Variants in FRAS1 observed in about 807,000 individuals in gnomAD.
FRAS1 encodes the protein Fraser extracellular matrix complex subunit 1.
A neutral mutation model predicts 435.2 loss-of-function variants in FRAS1; 290 were observed. The ratio of observed to expected loss-of-function variants is 0.67; its 90% confidence interval spans 0.61 to 0.73. FRAS1 has a LOEUF of 0.73. Ranked by LOEUF, FRAS1 falls within the 30% of genes least tolerant of loss-of-function variation. FRAS1 has a pLI of 0.00. For synonymous variants in FRAS1, 1,800 were observed against 1,851.0 expected (o/e 0.97, Z 0.71); for missense variants, 4,860 against 5,001.5 (o/e 0.97, Z 0.85).
At chr4:78,441,087 CT>C in intron 40 of FRAS1, 74 bp from the exon 41 acceptor site, 1 of 1,512,184 alleles carries the variant, frequency 6.6e-7, no homozygotes, top group East Asian at 2.3e-5. Flanking sequence ...CCAGGCAGCA[CT>C]TTGCAATCCA....
At chr4:78,505,291 A>G (rs1170116879) in intron 61 of FRAS1, among the ~76,000 whole-genome samples, 1 of 152,202 alleles carries the variant, frequency 6.6e-6, no homozygotes, top group Non-Finnish European at 1.5e-5. Context: ...AGGTTGGGGA[A>G]GTTCTCCTGG....
intron 6 of FRAS1, among the ~76,000 whole-genome samples, chr4:78,258,012 A>G (rs1051593541): frequency 6.6e-6 from 1 of 152,136 alleles, no homozygotes; most frequent in African/African-American, 2.4e-5. Context: ...AATTAATCCG[A>G]GTAGTTTGAA....
At chr4:78,262,990 A>C (rs1726185519) in intron 6 of FRAS1, among the ~76,000 whole-genome samples, 1 of 152,210 alleles carries the variant, frequency 6.6e-6, no homozygotes, top group Non-Finnish European at 1.5e-5. Context: ...TGTTCCAGTA[A>C]AGCTTTATTT....
At chr4:78,509,164 AG>A (rs34380083) in intron 63 of FRAS1, among the ~76,000 whole-genome samples, 158 bp downstream of exon 63, 49,428 of 152,128 alleles carry the variant, frequency 0.32, 8,688 homozygotes, top group South Asian at 0.52. Context: ...ACATAAGAAA[AG>A]GTTATATGCT....
chr4:78,372,804 G>T lies in FRAS1; in HGVS notation c.2956G>T (p.Ala986Ser). ...CMDGYVLQDG[A>S]CVEQCLSSFY... ...GGATGGCTATGTTCTCCAGGATGGG[G>T]CCTGCGTGGAGCAGTGCTTGTCATC... The change falls in exon 24 of 74, where the codon GCC becomes TCC. Residue 986 changes from alanine (A) to serine (S), a missense_variant. Coordinates refer to ENST00000512123, the MANE Select transcript of FRAS1 (RefSeq NM_025074.7). The T allele has an allele frequency of 1.9e-6, 3 of 1,613,102 alleles. No individual in the cohort carries two copies. Among genetic ancestry groups the T allele is most frequent in the Non-Finnish European group, 2.5e-6 (3 of 1,179,704 alleles).
chr4:78,237,507 C>G lies in FRAS1; in HGVS notation c.109-3C>G. On this transcript the variant is annotated splice_region_variant and splice_polypyrimidine_tract_variant and intron_variant, in intron 2 of 73. Coordinates refer to ENST00000512123, the MANE Select transcript of FRAS1 (RefSeq NM_025074.7). ...TTAAATCAGAGCTTATGCCTCTTTACAGGATGCCACAATTTGGAAGCCCGA... is the reference window on the plus strand; with the variant it reads ...TTAAATCAGAGCTTATGCCTCTTTAGAGGATGCCACAATTTGGAAGCCCGA... The G allele has an allele frequency of 6.2e-7, 1 of 1,610,680 alleles. No individual in the cohort carries two copies. Among genetic ancestry groups the G allele is most frequent in the Non-Finnish European group, 8.5e-7 (1 of 1,177,136 alleles).
intron 2 of FRAS1, among the ~76,000 whole-genome samples, chr4:78,118,620 G>C (rs535530431): frequency 8.5e-5 from 13 of 152,302 alleles, no homozygotes; most frequent in Non-Finnish European, 1.8e-4. Context: ...CTCAGATCCA[G>C]GCCCAGGATA....
rs748263373 is a variant in FRAS1 at position 78,541,345 on chromosome 4, G to A, written c.*221G>A. The A allele has an allele frequency of 1.6e-4, 60 of 376,552 alleles. 1 individual carries two copies. The highest frequency in any genetic ancestry group is 1.0e-3 in the South Asian group (8 of 7,720). The allele number at this position is 376,552 out of a possible 1,614,324, so 23.3% of individuals were successfully genotyped here. ...GTTATTTCCGTAGATCCCTTTAATAGTGTCAACAACTGTACACAGCTCCTT... is the reference window on the plus strand; with the variant it reads ...GTTATTTCCGTAGATCCCTTTAATAATGTCAACAACTGTACACAGCTCCTT... On this transcript the variant is annotated 3_prime_UTR_variant, in exon 74 of 74. Coordinates refer to ENST00000512123, the MANE Select transcript of FRAS1 (RefSeq NM_025074.7).
intron 59 of FRAS1, among the ~76,000 whole-genome samples, chr4:78,489,427 G>A (rs772833378): frequency 2.0e-4 from 31 of 152,126 alleles, no homozygotes; most frequent in African/African-American, 7.5e-4. Flanking sequence ...TGGAATAGTG[G>A]ATCATCATAA....
intron 20 of FRAS1, among the ~76,000 whole-genome samples, chr4:78,340,734 G>A (rs1009945440): frequency 7.2e-5 from 11 of 152,150 alleles, no homozygotes; most frequent in Admixed American, 1.3e-4. Context: ...CAAGGTGCCC[G>A]CAGGCTTGGC....
chr4:78,155,834 A>G (rs1198275192), intron 2 of FRAS1, among the ~76,000 whole-genome samples: 1 of 152,088 alleles, frequency 6.6e-6, no homozygotes, highest in Admixed American at 6.6e-5. Flanking sequence ...GGTGAAATCC[A>G]TGGACTCGTA....
intron 35 of FRAS1, 37 bp from the exon 36 acceptor site, chr4:78,429,058 G>A (rs1313340891): frequency 3.2e-6 from 5 of 1,544,864 alleles, no homozygotes; most frequent in Non-Finnish European, 4.4e-6. Context: ...GTGTGTGTGT[G>A]TGTGTCTCTG....
chr4:78,483,798 A>ATATATATATATATAT (rs1491045148), intron 58 of FRAS1, among the ~76,000 whole-genome samples: 108 of 71,484 alleles, frequency 1.5e-3, no homozygotes, highest in Middle Eastern at 0.026. Context: ...ATATATATAT[A>ATATATATATATATAT]AAATTATGTA....
At chr4:78,240,071 T>A (rs1199925286) in intron 3 of FRAS1, among the ~76,000 whole-genome samples, 1 of 152,112 alleles carries the variant, frequency 6.6e-6, no homozygotes. Context: ...TTTTACTGAC[T>A]GAATGAATGA....
In FRAS1 at chr4:78,541,005, C is replaced by T. The variant is rs759074187; in HGVS notation, c.11920C>T (p.Arg3974Trp). 54 of 1,565,436 alleles carry T rather than the reference C, an allele frequency of 3.4e-5. No homozygotes were observed. Among genetic ancestry groups the T allele is most frequent in the Non-Finnish European group, 4.4e-5 (51 of 1,151,854 alleles). The change falls in exon 74 of 74, where the codon CGG becomes TGG. Residue 3974 changes from arginine to tryptophan, a missense_variant. Transcript: ENST00000512123. ...CGTGAATAGACACTACTGCACTGTG[C>T]GGAACGTCAACATCCTGAGTGAGCC... The part of the protein sequence containing the change: ...KNVNRHYCTV[R>W]NVNILSEPEA...
intron 52 of FRAS1, among the ~76,000 whole-genome samples, chr4:78,472,735 T>C (rs1719746232): frequency 1.3e-5 from 2 of 152,220 alleles, no homozygotes; most frequent in South Asian, 4.1e-4. Flanking sequence ...AGACTTTAAG[T>C]CTTCAGCCTA....
chr4:78,137,126 T>G (rs1406240447), intron 2 of FRAS1, among the ~76,000 whole-genome samples: 2 of 152,336 alleles, frequency 1.3e-5, no homozygotes, highest in East Asian at 3.9e-4. Flanking sequence ...GTGTGTTTTT[T>G]ACTGAACCTA....
intron 55 of FRAS1, among the ~76,000 whole-genome samples, chr4:78,479,104 A>G (rs1370587280): frequency 1.3e-5 from 2 of 152,248 alleles, no homozygotes; most frequent in Non-Finnish European, 2.9e-5. Flanking sequence ...ATGGTGGGCA[A>G]TGAGTCTTGC....
At chr4:78,131,218 A>G (rs1214305928) in intron 2 of FRAS1, among the ~76,000 whole-genome samples, 1 of 152,148 alleles carries the variant, frequency 6.6e-6, no homozygotes, top group African/African-American at 2.4e-5. Flanking sequence ...ATATGCACAT[A>G]TATGTATATT....
Sources: gnomAD v4.1 joint callset for allele counts (sites outside exome capture counted in the v4.1 genomes callset) on GRCh38, gnomAD v4.1.1 for gene constraint, MANE v1.5 for transcripts, NCBI Gene and HGNC (gene_info 2026-07-23, HGNC 2026-07-21) for gene names.